The following ZNF624 variants were observed in gnomAD, a reference collection of about 807,000 sequenced individuals.
ZNF624 encodes the protein zinc finger protein 624.
ZNF624 carries 43 observed loss-of-function variants against 74.7 expected under a neutral mutation model. The ratio of observed to expected loss-of-function variants is 0.58; its 90% CI spans 0.45 to 0.74. The LOEUF (loss-of-function observed/expected upper bound fraction) is 0.74. Ranked by LOEUF, ZNF624 falls within the 30% of genes least tolerant of loss-of-function variation. The pLI is 0.00. For synonymous variants in ZNF624, 331 were observed against 341.3 expected (o/e 0.97, Z 0.33); for missense variants, 820 against 1,030.0 (o/e 0.80, Z 2.79).
At chr17:16,626,896 AAC>A (rs1909085718) in intron 5 of ZNF624, among the ~76,000 whole-genome samples, 1 of 152,036 alleles carries the variant, frequency 6.6e-6, no homozygotes, top group Non-Finnish European at 1.5e-5. Flanking sequence ...GTCTCAACTA[AAC>A]ACAAAAATTA....
intron 3 of ZNF624, among the ~76,000 whole-genome samples, chr17:16,640,674 T>C (rs1909446366): frequency 6.6e-6 from 1 of 152,118 alleles, no homozygotes; most frequent in East Asian, 1.9e-4. Flanking sequence ...AGAAAGGCAT[T>C]AACTACCAAA....
intron 5 of ZNF624, among the ~76,000 whole-genome samples, chr17:16,626,135 G>A (rs894411364): frequency 1.3e-5 from 2 of 152,088 alleles, no homozygotes; most frequent in Non-Finnish European, 2.9e-5. Context: ...ATTTTTAGTA[G>A]AGAAAGCATT....
At chr17:16,650,772 T>C (rs1909705597) in intron 1 of ZNF624, among the ~76,000 whole-genome samples, 1 of 152,208 alleles carries the variant, frequency 6.6e-6, no homozygotes, top group Non-Finnish European at 1.5e-5. Flanking sequence ...GTACAAAAAG[T>C]GTTATAAGCA....
chr17:16,646,788 G>A (rs1174553268), intron 3 of ZNF624, among the ~76,000 whole-genome samples: 4 of 152,262 alleles, frequency 2.6e-5, no homozygotes, highest in African/African-American at 9.6e-5. Flanking sequence ...ACCCTCCCCT[G>A]CTATGTCAGA....
downstream of ZNF624, chr17:16,617,604 C>T: frequency 6.3e-7 from 1 of 1,590,246 alleles, no homozygotes; most frequent in Non-Finnish European, 8.6e-7. Context: ...ATGTCTCCGA[C>T]TGCTGTATCC....
intron 3 of ZNF624, among the ~76,000 whole-genome samples, chr17:16,641,291 C>CTT (rs137979256): frequency 4.0e-5 from 6 of 150,848 alleles, no homozygotes; most frequent in African/African-American, 7.3e-5. Flanking sequence ...CTCTCTCTCT[C>CTT]TTTTTTTTTG....
intron 2 of ZNF624, among the ~76,000 whole-genome samples, 182 bp from the exon 3 acceptor site, chr17:16,647,576 T>C (rs1308339896): frequency 6.6e-6 from 1 of 151,904 alleles, no homozygotes; most frequent in East Asian, 1.9e-4. Flanking sequence ...TCACTTTGTT[T>C]GGGACAATGA....
At chr17:16,626,372 T>A (rs1256940252) in intron 5 of ZNF624, among the ~76,000 whole-genome samples, 1 of 152,246 alleles carries the variant, frequency 6.6e-6, no homozygotes, top group Non-Finnish European at 1.5e-5. Flanking sequence ...TACTTTTAAA[T>A]AGTTTTAATT....
intron 5 of ZNF624, among the ~76,000 whole-genome samples, chr17:16,629,226 GTCTC>G (rs1227861935): frequency 1.4e-5 from 2 of 138,006 alleles, no homozygotes; most frequent in African/African-American, 5.3e-5. Flanking sequence ...AAAAAAATCT[GTCTC>G]TCTCTCTTTT....
downstream of ZNF624, among the ~76,000 whole-genome samples, chr17:16,619,067 A>G (rs566814081): frequency 2.0e-5 from 3 of 152,374 alleles, no homozygotes; most frequent in African/African-American, 7.2e-5. Flanking sequence ...GACATAGTCC[A>G]AAAGACACTA....
intron 5 of ZNF624, among the ~76,000 whole-genome samples, chr17:16,633,132 T>A (rs1462548746): frequency 6.6e-6 from 1 of 152,196 alleles, no homozygotes; most frequent in Non-Finnish European, 1.5e-5. Flanking sequence ...ATCCTCCAAT[T>A]TATCTCATAG....
rs369277694 is a variant in ZNF624, at chr17:16,649,626, T to C, written c.87+32A>G. The C allele has an allele frequency of 7.4e-5, 118 of 1,595,922 alleles. 1 individual carries two copies. In the Middle Eastern group the frequency reaches 8.4e-4, roughly 11 times the overall value. On this transcript the variant is annotated intron_variant, in intron 2 of 5. Coordinates refer to ENST00000311331, the MANE Select transcript of ZNF624 (RefSeq NM_020787.4). ...AAGTAAACATGCTCTCAAACCAAGATAGTAGGTCAAAAACAGGGAATCCCA... is the reference window on the plus strand; with the variant it reads ...AAGTAAACATGCTCTCAAACCAAGACAGTAGGTCAAAAACAGGGAATCCCA...
downstream of ZNF624, chr17:16,616,947 G>C: frequency 1.3e-6 from 2 of 1,578,812 alleles, no homozygotes; most frequent in Middle Eastern, 3.4e-4. Flanking sequence ...ACACAGAGCG[G>C]GCCTTTCAGG....
At chr17:16,620,727 G>A (rs553110965), downstream of ZNF624, 57 of 152,068 alleles carry the variant, frequency 3.7e-4, no homozygotes, top group African/African-American at 1.2e-3. Flanking sequence ...TAAATAAAAC[G>A]CACAACGAAA....
intron 5 of ZNF624, among the ~76,000 whole-genome samples, 184 bp downstream of exon 5, chr17:16,633,678 G>A (rs1044309235): frequency 1.3e-5 from 2 of 152,152 alleles, no homozygotes; most frequent in African/African-American, 4.8e-5. Flanking sequence ...CAAAAGTGGA[G>A]GACAGAGAGA....
chr17:16,635,743 G>A (rs1014705742), intron 3 of ZNF624, among the ~76,000 whole-genome samples: 1 of 152,026 alleles, frequency 6.6e-6, no homozygotes, highest in African/African-American at 2.4e-5. Flanking sequence ...TTAGCATACT[G>A]ACATCATTGA....
intron 1 of ZNF624, among the ~76,000 whole-genome samples, chr17:16,652,165 A>G (rs1438642149): frequency 6.6e-6 from 1 of 152,118 alleles, no homozygotes; most frequent in African/African-American, 2.4e-5. Flanking sequence ...GGGGGTACGG[A>G]CCCATCTGAG....
intron 3 of ZNF624, among the ~76,000 whole-genome samples, chr17:16,637,601 A>G (rs1909364789): frequency 1.3e-5 from 2 of 152,256 alleles, no homozygotes; most frequent in Non-Finnish European, 2.9e-5. Context: ...AACCTGACAA[A>G]AACAAGAAAT....
In ZNF624 at chr17:16,623,479, C is replaced by G. The variant is rs1469831642; in HGVS notation, c.1407G>C (p.Glu469Asp). 4 of 1,613,670 alleles carry G rather than the reference C, an allele frequency of 2.5e-6. No individual in the cohort carries two copies. The highest frequency in any genetic ancestry group is 3.4e-6 in the Non-Finnish European group (4 of 1,179,886). Residue 469 changes from glutamate (E) to aspartate (D), a missense_variant, in exon 6 of 6, where the codon GAG becomes GAC. By Grantham distance (45) the Glu-to-Asp change is conservative. Coordinates refer to ENST00000311331, the MANE Select transcript of ZNF624 (RefSeq NM_020787.4). The surrounding 1 kb of genome is among the most constrained non-coding windows in gnomAD (Gnocchi z 5.3). ...FNVHQRIHTGEKPFRCNECGK... is the reference protein window; with the variant it reads ...FNVHQRIHTGDKPFRCNECGK... ...CACATTCGTTACATCTAAAAGGTTT[C>G]TCTCCAGTATGAATCCTCTGATGCA...
Sources: gnomAD v4.1 joint callset for allele counts (sites outside exome capture counted in the v4.1 genomes callset) on GRCh38, gnomAD v4.1.1 for gene constraint, Gnocchi (gnomAD v3.1) non-coding constraint, MANE v1.5 for transcripts, NCBI Gene and HGNC (gene_info 2026-07-23, HGNC 2026-07-21) for gene names.